The following SEMA3A variants were observed in gnomAD, a reference collection of about 807,000 sequenced individuals.
SEMA3A encodes semaphorin 3A.
Under a neutral mutation model 97.9 loss-of-function variants are expected in SEMA3A, and 29 were observed. That is an observed-to-expected ratio of 0.30 (90% CI 0.22 to 0.40). SEMA3A has a LOEUF of 0.40. Among genes scored for constraint, SEMA3A ranks in the 10% least tolerant of loss-of-function variants. SEMA3A has a pLI of 1.00. For synonymous variants in SEMA3A, 321 were observed against 323.7 expected (o/e 0.99, Z 0.09); for missense variants, 763 against 951.3 (o/e 0.80, Z 2.60).
At chr7:84,148,101 G>A (rs148734420) in intron 1 of SEMA3A, among the ~76,000 whole-genome samples, 1,549 of 151,920 alleles carry the variant, frequency 0.01, 30 homozygotes, top group African/African-American at 0.035. Flanking sequence ...TTTTAGTAGC[G>A]ACGGGGTTTT....
In SEMA3A at chr7:84,055,629, G is replaced by A. The variant is rs567781587; in HGVS notation, c.547+4836C>T. On this transcript the variant is annotated intron_variant, in intron 5 of 16. Transcript: ENST00000265362. ...TGGCACTCCCTAGTGAGATGAACCC[G>A]GTACCTCAGATGGAAATGCAGAAAT... Among the ~76,000 whole-genome samples, 744 of 152,262 alleles carry A rather than the reference G, an allele frequency of 4.9e-3. 6 individuals carry two copies. The highest frequency in any genetic ancestry group is 0.016 in the African/African-American group (678 of 41,542).
intron 1 of SEMA3A, 84 bp from the exon 2 acceptor site, chr7:84,135,035 T>C: frequency 9.6e-7 from 1 of 1,042,346 alleles, no homozygotes; most frequent in Non-Finnish European, 1.4e-6. Context: ...AACCTGACTA[T>C]ATTGACTGCT....
chr7:84,309,087 G>T (rs1346958982), intron 2 of SEMA3A, among the ~76,000 whole-genome samples: 1 of 152,076 alleles, frequency 6.6e-6, no homozygotes, highest in African/African-American at 2.4e-5. Context: ...AAAAGTGCTG[G>T]GATTACAGGC....
At chr7:84,475,324 T>A (rs1806256517) in intron 1 of SEMA3A, among the ~76,000 whole-genome samples, 1 of 152,220 alleles carries the variant, frequency 6.6e-6, no homozygotes, top group Non-Finnish European at 1.5e-5. Context: ...TCTGTGAATG[T>A]GATGAGTGCT....
chr7:84,014,107 A>C (rs761197530), intron 7 of SEMA3A, 102 bp downstream of exon 7: 8 of 907,916 alleles, frequency 8.8e-6, no homozygotes, highest in Non-Finnish European at 1.4e-5. Context: ...GTCAAGCTTT[A>C]GCCATAATTT....
intron 4 of SEMA3A, among the ~76,000 whole-genome samples, chr7:84,080,502 G>C (rs952107023): frequency 2.6e-5 from 4 of 151,394 alleles, no homozygotes; most frequent in African/African-American, 9.7e-5. Context: ...AAATTATTTT[G>C]AGTAGTTGCA....
At chr7:84,400,529 C>A (rs112555909) in intron 1 of SEMA3A, among the ~76,000 whole-genome samples, 8 of 152,056 alleles carry the variant, frequency 5.3e-5, no homozygotes, top group African/African-American at 1.9e-4. Context: ...AACAGCAGAA[C>A]TGATCAAACG....
chr7:84,318,467 C>A lies in SEMA3A; in HGVS notation c.-168-11175G>T, dbSNP rs932119814. ...CCTCCCAAGTAGCTGGGACTACAGG[C>A]GCCCGCCACTACGCCCGGCTAATTT... is the stretch of plus-strand genomic sequence containing the variant. On this transcript the variant is annotated intron_variant, in intron 2 of 3. Coordinates refer to the SEMA3A transcript ENST00000424555. Among the ~76,000 whole-genome samples, 10 of 150,398 alleles carry A rather than the reference C, an allele frequency of 6.6e-5. No individual in the cohort carries two copies. In the East Asian group the frequency reaches 1.8e-3, roughly 26 times the overall value.
chr7:84,345,971 T>C (rs535794806), intron 2 of SEMA3A, among the ~76,000 whole-genome samples: 90 of 152,348 alleles, frequency 5.9e-4, no homozygotes, highest in South Asian at 2.9e-3. Flanking sequence ...AGACAGTTTT[T>C]TCATCTGCAT....
At chr7:84,060,405 C>T (rs1583893509) in intron 5 of SEMA3A, 60 bp downstream of exon 5, 1 of 1,061,820 alleles carries the variant, frequency 9.4e-7, no homozygotes. Context: ...TAAAAAAGAA[C>T]ATACAACCTG....
At chr7:83,980,623 A>AAAAAAAAAAAAAAAAAAATAT (rs1310318006) in intron 14 of SEMA3A, among the ~76,000 whole-genome samples, 2 of 71,746 alleles carry the variant, frequency 2.8e-5, no homozygotes, top group Non-Finnish European at 4.8e-5. Flanking sequence ...AAAAAAAAAA[A>AAAAAAAAAAAAAAAAAAATAT]ATATATATAT....
chr7:84,229,799 C>A (rs1249259575), intron 3 of SEMA3A, among the ~76,000 whole-genome samples: 1 of 151,920 alleles, frequency 6.6e-6, no homozygotes, highest in African/African-American at 2.4e-5. Context: ...TGGTTCTTTT[C>A]TTTCGAGTCA....
At chr7:84,237,523 T>A (rs1348650128) in intron 3 of SEMA3A, among the ~76,000 whole-genome samples, 1 of 152,162 alleles carries the variant, frequency 6.6e-6, no homozygotes, top group African/African-American at 2.4e-5. Context: ...TAATATTAAA[T>A]GCTTACAACA....
At chr7:84,467,797 C>T (rs1039268702) in intron 1 of SEMA3A, among the ~76,000 whole-genome samples, 2 of 152,072 alleles carry the variant, frequency 1.3e-5, no homozygotes, top group Non-Finnish European at 2.9e-5. Flanking sequence ...TAGAAAATAC[C>T]TAATGAATTC....
chr7:84,238,899 T>C (rs1490988279), intron 3 of SEMA3A, among the ~76,000 whole-genome samples: 1 of 151,938 alleles, frequency 6.6e-6, no homozygotes, highest in East Asian at 1.9e-4. Context: ...GCAGTTTTAG[T>C]AGAGGCAGGG....
Position 83,957,695 on chromosome 7 carries a change from CAAACT to C in SEMA3A, c.*3671_*3675del, listed in dbSNP as rs1286322659. On this transcript the variant is annotated 3_prime_UTR_variant, in exon 17 of 17. Coordinates refer to ENST00000265362, the MANE Select transcript of SEMA3A (RefSeq NM_006080.3). Reference sequence around the variant, plus strand: ...TTTAAGAAAATTTTTAGAGATCAAACAAACTAATGAGATTTTACAGATTTTTGAAA... The same window carrying C: ...TTTAAGAAAATTTTTAGAGATCAAACAATGAGATTTTACAGATTTTTGAAA... The C allele has an allele frequency of 2.0e-5, 3 of 151,958 alleles. No individual in the cohort carries two copies. 9.4% of individuals were successfully genotyped at this position (151,958 alleles called of 1,614,324 possible).
Position 84,071,092 on chromosome 7 carries a change from T to C in SEMA3A, c.454-10534A>G, listed in dbSNP as rs114094682. Among the ~76,000 whole-genome samples the C allele has an allele frequency of 6.2e-3, 939 of 152,280 alleles. 12 individuals carry two copies. The highest frequency in any genetic ancestry group is 0.021 in the African/African-American group (885 of 41,560). ...TTTCCTTAAAAGGCGACTTTAGATA[T>C]ACACTGTGCAATACTACAGTCACAC... is the stretch of plus-strand genomic sequence containing the variant. On this transcript the variant is annotated intron_variant, in intron 4 of 16. Transcript: ENST00000265362.
chr7:84,476,752 T>A (rs1806293470), intron 1 of SEMA3A, among the ~76,000 whole-genome samples: 1 of 152,120 alleles, frequency 6.6e-6, no homozygotes, highest in Admixed American at 6.5e-5. Flanking sequence ...TGATTCCAGA[T>A]TCTTACATTG....
chr7:84,327,305 A>T (rs887157360), intron 2 of SEMA3A, among the ~76,000 whole-genome samples: 2 of 151,826 alleles, frequency 1.3e-5, no homozygotes, highest in African/African-American at 4.8e-5. Context: ...GCAGGTAGTC[A>T]GTTTTCATTG....
Sources: allele counts gnomAD v4.1 joint callset (sites outside exome capture counted in the v4.1 genomes callset), GRCh38; gene constraint gnomAD v4.1.1; transcripts MANE v1.5; gene names NCBI Gene and HGNC (gene_info 2026-07-23, HGNC 2026-07-21).